Variants in QTMAN observed in about 807,000 individuals in gnomAD.
The protein encoded by QTMAN is queuosine-tRNA mannosyltransferase, also known as tRNA-queuosine alpha-mannosyltransferase.
At chr2:144,063,704 G>C in the QTMAN span, among the ~76,000 whole-genome samples, 113 of 152,270 alleles carry the variant, frequency 7.4e-4, no homozygotes, top group African/African-American at 2.6e-3. Flanking sequence ...AGTTCTTGAG[G>C]AGTTGAAACT....
the QTMAN span, among the ~76,000 whole-genome samples, chr2:144,297,641 C>A: frequency 7.2e-6 from 1 of 139,246 alleles, no homozygotes; most frequent in East Asian, 2.2e-4. Context: ...AGTGCAGTGG[C>A]GCAATCTTGG....
chr2:144,020,630 A>C, the QTMAN span, among the ~76,000 whole-genome samples: 29 of 152,194 alleles, frequency 1.9e-4, no homozygotes, highest in Non-Finnish European at 3.2e-4. Flanking sequence ...TCAGACCCCC[A>C]CAGTCTCCCT....
chr2:144,291,396 A>C, the QTMAN span, among the ~76,000 whole-genome samples: 1 of 152,210 alleles, frequency 6.6e-6, no homozygotes, highest in African/African-American at 2.4e-5. Context: ...GCACAGTCTC[A>C]GCCCATGATA....
At chr2:143,991,085 G>A in the QTMAN span, among the ~76,000 whole-genome samples, 1 of 151,772 alleles carries the variant, frequency 6.6e-6, no homozygotes, top group African/African-American at 2.4e-5. Flanking sequence ...ATTATAAAAA[G>A]ACATGAAAAA....
At chr2:144,016,584 T>C in the QTMAN span, among the ~76,000 whole-genome samples, 8 of 152,208 alleles carry the variant, frequency 5.3e-5, no homozygotes, top group Non-Finnish European at 1.0e-4. Flanking sequence ...AAAGCATTGA[T>C]GGAAACCCTA....
At chr2:144,297,541 G>T in the QTMAN span, among the ~76,000 whole-genome samples, 1 of 150,106 alleles carries the variant, frequency 6.7e-6, no homozygotes, top group Admixed American at 6.6e-5. Flanking sequence ...GGTGTCTCAT[G>T]CCTGTAATCC....
At chr2:144,261,672 G>A in the QTMAN span, among the ~76,000 whole-genome samples, 1 of 152,142 alleles carries the variant, frequency 6.6e-6, no homozygotes, top group Non-Finnish European at 1.5e-5. Flanking sequence ...TCAGGGAGAC[G>A]ACTCAAAAGT....
the QTMAN span, among the ~76,000 whole-genome samples, chr2:144,028,114 A>G: frequency 1.3e-5 from 2 of 152,148 alleles, no homozygotes; most frequent in Admixed American, 6.5e-5. Context: ...CATAAATGTA[A>G]TATTATAAAA....
chr2:144,050,221 T>C, the QTMAN span, among the ~76,000 whole-genome samples: 1 of 152,048 alleles, frequency 6.6e-6, no homozygotes, highest in Admixed American at 6.6e-5. Context: ...GACAATAAGG[T>C]AAATTGTTAG....
the QTMAN span, among the ~76,000 whole-genome samples, chr2:144,263,787 C>A: frequency 6.6e-6 from 1 of 152,044 alleles, no homozygotes; most frequent in African/African-American, 2.4e-5. Context: ...AAATTTTATT[C>A]TATTGTCTTA....
the QTMAN span, among the ~76,000 whole-genome samples, chr2:144,253,655 G>A: frequency 6.6e-6 from 1 of 151,986 alleles, no homozygotes; most frequent in African/African-American, 2.4e-5. Context: ...TAGAACTTGA[G>A]TGAGATGATC....
the QTMAN span, among the ~76,000 whole-genome samples, chr2:144,224,397 G>T: frequency 6.6e-6 from 1 of 152,072 alleles, no homozygotes; most frequent in African/African-American, 2.4e-5. Context: ...GCTCATCATT[G>T]TTCCGCATGC....
chr2:144,267,847 T>G, the QTMAN span, among the ~76,000 whole-genome samples: 1 of 152,200 alleles, frequency 6.6e-6, no homozygotes, highest in Non-Finnish European at 1.5e-5. Flanking sequence ...TAAATAGGTA[T>G]TTCAATACAT....
the QTMAN span, among the ~76,000 whole-genome samples, chr2:144,209,442 T>A: frequency 6.6e-6 from 1 of 152,240 alleles, no homozygotes; most frequent in Non-Finnish European, 1.5e-5. Flanking sequence ...CATACTTTGA[T>A]CACTTCCCCA....
At chr2:144,059,870 G>A in the QTMAN span, among the ~76,000 whole-genome samples, 6 of 152,168 alleles carry the variant, frequency 3.9e-5, no homozygotes, top group South Asian at 8.3e-4. Context: ...TCATCTCTCA[G>A]GGACGCCTTC....
chr2:143,968,682 C>T, the QTMAN span, among the ~76,000 whole-genome samples: 1 of 152,180 alleles, frequency 6.6e-6, no homozygotes, highest in Non-Finnish European at 1.5e-5. Context: ...AATCCATCCA[C>T]AAACACCTCA....
the QTMAN span, among the ~76,000 whole-genome samples, chr2:144,134,988 A>G: frequency 6.6e-6 from 1 of 152,156 alleles, no homozygotes; most frequent in Non-Finnish European, 1.5e-5. Flanking sequence ...CAGCCTGACA[A>G]CCTGAGCATT....
chr2:144,226,773 T>C, the QTMAN span, among the ~76,000 whole-genome samples: 1 of 152,136 alleles, frequency 6.6e-6, no homozygotes, highest in Admixed American at 6.5e-5. Flanking sequence ...TAGTAGACAG[T>C]TGTTCATTTT....
chr2:143,961,880 T>C, the QTMAN span, among the ~76,000 whole-genome samples: 1 of 152,136 alleles, frequency 6.6e-6, no homozygotes, highest in African/African-American at 2.4e-5. Flanking sequence ...TGTTACCAGT[T>C]ACTTGCAGCT....
Sources: allele counts gnomAD v4.1 joint callset (sites outside exome capture counted in the v4.1 genomes callset), GRCh38; gene constraint gnomAD v4.1.1; transcripts MANE v1.5; gene names NCBI Gene and HGNC (gene_info 2026-07-23, HGNC 2026-07-21).